The following CCNB1IP1 variants were observed in gnomAD, a reference collection of about 807,000 sequenced individuals.
The protein encoded by CCNB1IP1 is E3 ubiquitin-protein ligase CCNB1IP1.
In CCNB1IP1, 14 loss-of-function variants were observed where a neutral mutation model predicts 25.6. The observed-to-expected ratio is 0.55, with a 90% CI of 0.36 to 0.85. The LOEUF (loss-of-function observed/expected upper bound fraction) is 0.85. Ranked by LOEUF, CCNB1IP1 falls within the 40% of genes least tolerant of loss-of-function variation. The probability of loss-of-function intolerance (pLI) is 0.01; values close to 1 mark genes in which losing one functional copy is unlikely to be tolerated. For missense variants in CCNB1IP1, 278 were observed against 342.4 expected, an observed-to-expected ratio of 0.81 and a Z score of 1.48; for synonymous variants, 119 against 116.1, an observed-to-expected ratio of 1.02 and a Z score of -0.16.
At chr14:20,328,072 A>G (rs1883129879) in intron 2 of CCNB1IP1, among the ~76,000 whole-genome samples, 1 of 152,206 alleles carries the variant, frequency 6.6e-6, no homozygotes, top group Non-Finnish European at 1.5e-5. Flanking sequence ...GCTGACAGAA[A>G]AGAAAGCAGT....
In CCNB1IP1 at chr14:20,311,459, A is replaced by G; in HGVS notation, c.*91T>C. On this transcript the variant is annotated 3_prime_UTR_variant, in exon 7 of 7. Transcript: ENST00000358932. ...GAGTGCAGTGGCATGATCTTAGATC[A>G]CTAAAGCCTCAGACTCCTGGGCTCA... The G allele has an allele frequency of 1.9e-6, 2 of 1,063,296 alleles. No individual in the cohort carries two copies. Among genetic ancestry groups the G allele is most frequent in the Non-Finnish European group, 2.9e-6 (2 of 689,820 alleles). The allele number at this position is 1,063,296 out of a possible 1,614,324, so 65.9% of individuals were successfully genotyped here. A position where few individuals can be genotyped will look rare whatever the true frequency, so the allele number is the denominator to read the frequency against.
At chr14:20,330,332 C>A (rs909710291) in intron 1 of CCNB1IP1, among the ~76,000 whole-genome samples, 2 of 151,952 alleles carry the variant, frequency 1.3e-5, no homozygotes, top group African/African-American at 4.8e-5. Flanking sequence ...CTAGGTACTC[C>A]AAAAGGAGGA....
Position 20,316,327 on chromosome 14 carries a change from A to T in CCNB1IP1, c.197T>A (p.Leu66His). ...SGKLDIVRTE[L>H]SPSEEYKAMV... Reference sequence around the variant, plus strand: ...AGCTTTATATTCCTCTGATGGACTGAGTTCTGTGCGGACAATATCTAGCTT... The same window carrying T: ...AGCTTTATATTCCTCTGATGGACTGTGTTCTGTGCGGACAATATCTAGCTT... The change falls in exon 5 of 7, where the codon CTC becomes CAC. Residue 66 changes from leucine (L) to histidine (H), a missense_variant. By Grantham distance (99) the Leu-to-His change is moderately conservative (BLOSUM62 -3). Transcript: ENST00000358932. The T allele has an allele frequency of 6.2e-7, 1 of 1,613,978 alleles. No homozygotes were observed. Among genetic ancestry groups the T allele is most frequent in the Non-Finnish European group, 8.5e-7 (1 of 1,179,862 alleles).
intron 1 of CCNB1IP1, chr14:20,330,571 GC>G (rs1445983468): frequency 2.0e-5 from 3 of 151,016 alleles, no homozygotes; most frequent in Non-Finnish European, 4.4e-5. Context: ...ACTCATAAGG[GC>G]CCTTCCAACT....
At chr14:20,320,004 G>T (rs951300179) in intron 4 of CCNB1IP1, among the ~76,000 whole-genome samples, 1 of 152,202 alleles carries the variant, frequency 6.6e-6, no homozygotes, top group Non-Finnish European at 1.5e-5. Flanking sequence ...TTACTCGTAA[G>T]AGTGAGCATT....
chr14:20,324,185 A>T (rs1882991467), intron 4 of CCNB1IP1, among the ~76,000 whole-genome samples: 1 of 152,132 alleles, frequency 6.6e-6, no homozygotes, highest in African/African-American at 2.4e-5. Context: ...ATAAAAACAA[A>T]GAATTTCCTC....
At position 20,311,382 on chromosome 14, in the gene CCNB1IP1, A is replaced by C; in HGVS notation, c.*168T>G. On this transcript the variant is annotated 3_prime_UTR_variant, in exon 7 of 7. Coordinates refer to ENST00000358932, the MANE Select transcript of CCNB1IP1 (RefSeq NM_021178.5). Reference sequence around the variant, plus strand: ...TAGAAACAGTCTGTAAAGTTAGCTAAATTATCTTTATTTTTTTTTAGAAAC... The same window carrying C: ...TAGAAACAGTCTGTAAAGTTAGCTACATTATCTTTATTTTTTTTTAGAAAC... 1 of 516,708 alleles carries C rather than the reference A, an allele frequency of 1.9e-6. No homozygotes were observed. Among genetic ancestry groups the C allele is most frequent in the Non-Finnish European group, 3.4e-6 (1 of 290,166 alleles). The allele number at this position is 516,708 out of a possible 1,614,324, so 32.0% of individuals were successfully genotyped here. A position where few individuals can be genotyped will look rare whatever the true frequency, so the allele number is the denominator to read the frequency against.
At chr14:20,324,351 T>C (rs1343380953) in intron 4 of CCNB1IP1, among the ~76,000 whole-genome samples, 1 of 152,126 alleles carries the variant, frequency 6.6e-6, no homozygotes, top group Non-Finnish European at 1.5e-5. Context: ...CACACCCAGC[T>C]AATTTTTGTA....
At chr14:20,318,741 C>G (rs1566401480) in intron 4 of CCNB1IP1, among the ~76,000 whole-genome samples, 1 of 152,118 alleles carries the variant, frequency 6.6e-6, no homozygotes, top group Non-Finnish European at 1.5e-5. Context: ...CTAGACGGGT[C>G]CTCAGGATAT....
chr14:20,323,910 T>C (rs1594281441), intron 4 of CCNB1IP1, among the ~76,000 whole-genome samples: 1 of 101,714 alleles, frequency 9.8e-6, no homozygotes, highest in Non-Finnish European at 1.8e-5. Context: ...AGAGCGAGAC[T>C]CCGTCTCAAA....
At chr14:20,328,609 T>G (rs1332636849) in intron 2 of CCNB1IP1, among the ~76,000 whole-genome samples, 1 of 151,866 alleles carries the variant, frequency 6.6e-6, no homozygotes, top group African/African-American at 2.4e-5. Context: ...AAAAAAAAAC[T>G]ACTTGATCTA....
chr14:20,313,099 C>A (rs1042178396), intron 6 of CCNB1IP1, among the ~76,000 whole-genome samples: 1 of 152,132 alleles, frequency 6.6e-6, no homozygotes, highest in Non-Finnish European at 1.5e-5. Context: ...ATAATACTTA[C>A]TTCATAAGGT....
intron 5 of CCNB1IP1, among the ~76,000 whole-genome samples, chr14:20,314,804 G>A (rs1371639823): frequency 6.6e-6 from 1 of 151,926 alleles, no homozygotes; most frequent in Non-Finnish European, 1.5e-5. Context: ...AATAGACCAA[G>A]AACTCGGCCG....
chr14:20,325,149 C>T (rs1435746156), intron 4 of CCNB1IP1, among the ~76,000 whole-genome samples: 3 of 145,352 alleles, frequency 2.1e-5, no homozygotes, highest in East Asian at 2.4e-4. Flanking sequence ...TAGCCGGGCG[C>T]GGTGGCTCAC....
At chr14:20,330,113 A>C (rs1464843732) in intron 1 of CCNB1IP1, among the ~76,000 whole-genome samples, 1 of 137,496 alleles carries the variant, frequency 7.3e-6, no homozygotes, top group Non-Finnish European at 1.5e-5. Context: ...ATAAAAAAAA[A>C]AAAAACAAAA....
intron 4 of CCNB1IP1, among the ~76,000 whole-genome samples, chr14:20,322,728 T>C (rs1456707521): frequency 2.0e-5 from 3 of 151,742 alleles, no homozygotes; most frequent in African/African-American, 7.3e-5. Context: ...GTTCAAGCGA[T>C]TCTGTTGCCT....
At chr14:20,320,189 C>G (rs1882846207) in intron 4 of CCNB1IP1, 1 of 380,676 alleles carries the variant, frequency 2.6e-6, no homozygotes, top group African/African-American at 2.1e-5. Context: ...TATGTCTACT[C>G]CAATATCATA....
intron 1 of CCNB1IP1, among the ~76,000 whole-genome samples, chr14:20,329,899 C>T (rs139815808): frequency 4.0e-5 from 6 of 151,520 alleles, no homozygotes; most frequent in African/African-American, 1.5e-4. Flanking sequence ...CTCTAAACTT[C>T]AGCTGTCCCC....
chr14:20,326,711 C>T lies in CCNB1IP1; in HGVS notation c.-153+5G>A. Reference sequence around the variant, plus strand: ...TAAAAACGAAGATTTTGCTCTTACTCTTACCTCTGGCATCACATGAATCCA... The same window carrying T: ...TAAAAACGAAGATTTTGCTCTTACTTTTACCTCTGGCATCACATGAATCCA... On this transcript the variant is annotated splice_donor_5th_base_variant and intron_variant, in intron 3 of 6. Coordinates refer to ENST00000358932, the MANE Select transcript of CCNB1IP1 (RefSeq NM_021178.5). 5 of 311,032 alleles carry T rather than the reference C, an allele frequency of 1.6e-5. No individual in the cohort carries two copies. The highest frequency in any genetic ancestry group is 1.3e-4 in the South Asian group (5 of 39,416). The allele number at this position is 311,032 out of a possible 1,614,324, so 19.3% of individuals were successfully genotyped here.
Sources: allele counts gnomAD v4.1 joint callset (sites outside exome capture counted in the v4.1 genomes callset), GRCh38; gene constraint gnomAD v4.1.1; transcripts MANE v1.5; gene names NCBI Gene and HGNC (gene_info 2026-07-23, HGNC 2026-07-21).